GALNTL6: variants seen among roughly 807,000 people sequenced by gnomAD.
GALNTL6 encodes the protein polypeptide N-acetylgalactosaminyltransferase like 6.
Under a neutral mutation model 73.7 loss-of-function variants are expected in GALNTL6, and 46 were observed. The observed-to-expected ratio is 0.62, with a 90% confidence interval of 0.49 to 0.80. The LOEUF is 0.80. Among genes scored for constraint, GALNTL6 ranks in the 30% least tolerant of loss-of-function variants. GALNTL6 has a pLI of 0.00. For synonymous variants in GALNTL6, 259 were observed against 263.7 expected (o/e 0.98, Z 0.17); for missense variants, 604 against 755.0 (o/e 0.80, Z 2.34).
intron 3 of GALNTL6, among the ~76,000 whole-genome samples, chr4:172,303,981 C>T (rs1186545189): frequency 2.0e-5 from 3 of 152,274 alleles, no homozygotes; most frequent in East Asian, 1.9e-4. Flanking sequence ...GAACAAATCA[C>T]TTTGCTAATG....
chr4:173,024,701 C>T (rs1322767643), intron 12 of GALNTL6, among the ~76,000 whole-genome samples: 19 of 152,174 alleles, frequency 1.2e-4, no homozygotes, highest in Admixed American at 1.2e-3. Context: ...CTGCCTCAGC[C>T]TCCCAAGTAG....
intron 2 of GALNTL6, among the ~76,000 whole-genome samples, chr4:171,866,923 C>G (rs960916082): frequency 6.6e-6 from 1 of 152,180 alleles, no homozygotes; most frequent in Non-Finnish European, 1.5e-5. Context: ...TAGGGAGACA[C>G]ACACATTCAG....
intron 5 of GALNTL6, among the ~76,000 whole-genome samples, chr4:172,778,975 A>ACTCTCT: frequency 7.0e-6 from 1 of 143,584 alleles, no homozygotes; most frequent in Non-Finnish European, 1.5e-5. Flanking sequence ...ACCCCCCTTC[A>ACTCTCT]CTCTCTCTCT....
chr4:172,722,065 G>T (rs547414916), intron 5 of GALNTL6, among the ~76,000 whole-genome samples: 1 of 151,522 alleles, frequency 6.6e-6, no homozygotes, highest in Admixed American at 6.6e-5. Context: ...TAATGATGTG[G>T]CTCCTTTCTG....
At chr4:173,026,963 C>T (rs1030117432) in intron 12 of GALNTL6, among the ~76,000 whole-genome samples, 7 of 152,024 alleles carry the variant, frequency 4.6e-5, no homozygotes, top group African/African-American at 1.4e-4. Context: ...GTTTATAATT[C>T]CCTGATATAT....
At chr4:172,944,404 T>G (rs564716807) in intron 9 of GALNTL6, among the ~76,000 whole-genome samples, 7 of 152,234 alleles carry the variant, frequency 4.6e-5, no homozygotes, top group African/African-American at 1.4e-4. Flanking sequence ...AAATATAAAT[T>G]AAAACCACAA....
At chr4:172,905,292 A>G (rs574649114) in intron 8 of GALNTL6, among the ~76,000 whole-genome samples, 5 of 152,342 alleles carry the variant, frequency 3.3e-5, no homozygotes, top group African/African-American at 9.6e-5. Flanking sequence ...AAGACTATAT[A>G]GTCTTATTAA....
At chr4:172,977,382 A>T (rs544456005) in intron 10 of GALNTL6, among the ~76,000 whole-genome samples, 1 of 152,296 alleles carries the variant, frequency 6.6e-6, no homozygotes, top group South Asian at 2.1e-4. Context: ...TCCATAACTG[A>T]ACAACTCCTC....
intron 2 of GALNTL6, among the ~76,000 whole-genome samples, chr4:172,163,269 A>G (rs976424597): frequency 2.6e-5 from 4 of 152,026 alleles, no homozygotes; most frequent in African/African-American, 4.8e-5. Flanking sequence ...AACAAAGTCA[A>G]TTAACATTTA....
rs1350514436 is a variant in GALNTL6 at position 172,002,240 on chromosome 4, TGA to T, written c.138+187524_138+187525del. 2.6e-5 allele frequency among the ~76,000 whole-genome samples: 4 copies of T among 152,152 alleles called. 1 individual carries two copies. The highest frequency in any genetic ancestry group is 2.9e-5 in the Non-Finnish European group (2 of 68,028). ...ATATGTTGAAACTGAATCCTCAATG[TGA>T]GTGTTTATTTTTATGTGAAGTTTTT... On this transcript the variant is annotated intron_variant, in intron 2 of 12. Transcript: ENST00000506823.
chr4:172,389,454 G>A (rs981767760), intron 5 of GALNTL6, among the ~76,000 whole-genome samples: 2 of 152,044 alleles, frequency 1.3e-5, no homozygotes, highest in African/African-American at 4.8e-5. Flanking sequence ...GAAATTATGG[G>A]AATGCATATT....
chr4:172,594,040 TTTAATG>T (rs1270375917), intron 5 of GALNTL6, among the ~76,000 whole-genome samples: 1 of 152,168 alleles, frequency 6.6e-6, no homozygotes, highest in Admixed American at 6.5e-5. Context: ...ACTTTAAGTG[TTTAATG>T]TTAGAAATAA....
intron 3 of GALNTL6, among the ~76,000 whole-genome samples, chr4:172,289,770 T>C (rs536093246): frequency 1.2e-4 from 19 of 152,210 alleles, no homozygotes; most frequent in Non-Finnish European, 2.2e-4. Context: ...CCTCAAGCTC[T>C]GCACAGCTAA....
intron 5 of GALNTL6, among the ~76,000 whole-genome samples, chr4:172,444,655 T>C (rs1267521122): frequency 2.6e-5 from 4 of 152,052 alleles, no homozygotes; most frequent in Admixed American, 2.6e-4. Context: ...AGACAAACCA[T>C]TATGAAAAAA....
intron 3 of GALNTL6, among the ~76,000 whole-genome samples, chr4:172,286,311 C>T (rs1312541705): frequency 1.3e-5 from 2 of 151,904 alleles, no homozygotes; most frequent in South Asian, 2.1e-4. Context: ...GTGTGATGAA[C>T]GAGGTCTTTA....
chr4:171,926,965 ATGT>A (rs1220200995), intron 2 of GALNTL6, among the ~76,000 whole-genome samples: 3 of 151,776 alleles, frequency 2.0e-5, no homozygotes, highest in Non-Finnish European at 4.4e-5. Context: ...TCCTTTGTTG[ATGT>A]TGTTAAAATG....
intron 2 of GALNTL6, among the ~76,000 whole-genome samples, chr4:172,129,152 G>A (rs1733386973): frequency 6.6e-6 from 1 of 152,004 alleles, no homozygotes. Flanking sequence ...CTCTTATTTT[G>A]GTTTGAAATG....
At chr4:172,138,063 T>C (rs1426444035) in intron 2 of GALNTL6, among the ~76,000 whole-genome samples, 2 of 152,124 alleles carry the variant, frequency 1.3e-5, no homozygotes, top group South Asian at 2.1e-4. Flanking sequence ...TTTTGCAATA[T>C]AATATTGATG....
intron 3 of GALNTL6, among the ~76,000 whole-genome samples, chr4:172,289,284 G>A (rs1334691549): frequency 6.6e-6 from 1 of 152,146 alleles, no homozygotes; most frequent in Non-Finnish European, 1.5e-5. Context: ...TCATTATGCA[G>A]TTGTATTATG....
Sources: gnomAD v4.1 joint callset for allele counts (sites outside exome capture counted in the v4.1 genomes callset) on GRCh38, gnomAD v4.1.1 for gene constraint, MANE v1.5 for transcripts, NCBI Gene and HGNC (gene_info 2026-07-23, HGNC 2026-07-21) for gene names.